The following MAP3K7 variants were observed in gnomAD, a reference collection of about 807,000 sequenced individuals.
The protein encoded by MAP3K7 is mitogen-activated protein kinase kinase kinase 7, also known as TGF-beta activated kinase 1.
Under a neutral mutation model 84.8 loss-of-function variants are expected in MAP3K7, and 21 were observed. The ratio of observed to expected loss-of-function variants is 0.25; its 90% confidence interval spans 0.18 to 0.36. The LOEUF (loss-of-function observed/expected upper bound fraction) is 0.36, where lower values mean the gene tolerates loss of function less well. Among genes scored for constraint, MAP3K7 ranks in the 10% least tolerant of loss-of-function variants. The pLI is 1.00. For missense variants in MAP3K7, 503 were observed against 747.7 expected (o/e 0.67, Z 3.82); for synonymous variants, 241 against 247.7 (o/e 0.97, Z 0.25).
chr6:90,527,565 T>G (rs1775362193), intron 13 of MAP3K7, among the ~76,000 whole-genome samples: 1 of 152,052 alleles, frequency 6.6e-6, no homozygotes, highest in South Asian at 2.1e-4. Flanking sequence ...CTGTGCCCAG[T>G]GGGAAGAGGA....
intron 9 of MAP3K7, among the ~76,000 whole-genome samples, chr6:90,548,813 A>G (rs1411379184): frequency 6.6e-6 from 1 of 151,050 alleles, no homozygotes; most frequent in Non-Finnish European, 1.5e-5. Flanking sequence ...TCGGAGGCCA[A>G]CTGAAGAAAG....
chr6:90,552,229 A>G, intron 7 of MAP3K7, 50 bp from the exon 8 acceptor site: 1 of 1,528,096 alleles, frequency 6.5e-7, no homozygotes, highest in Non-Finnish European at 9.0e-7. Context: ...TACCCAAAGA[A>G]TGATGCAAAC....
intron 12 of MAP3K7, 79 bp from the exon 13 acceptor site, chr6:90,536,480 T>TTTTTTA: frequency 1.0e-6 from 1 of 975,648 alleles, no homozygotes; most frequent in Non-Finnish European, 1.5e-6. Flanking sequence ...CAGCAGAAAG[T>TTTTTTA]TGGAATTTGT....
In MAP3K7 at chr6:90,571,818, C is replaced by T; in HGVS notation, c.121-11G>A. ...TCCTCTTCCAACAACCTGAGTTAAA[C>T]AAACAAACAAAAAACAAACAAAAAA... On this transcript the variant is annotated splice_polypyrimidine_tract_variant and intron_variant, in intron 1 of 16. Coordinates refer to ENST00000369329, the MANE Select transcript of MAP3K7 (RefSeq NM_145331.3). 6.7e-7 allele frequency: 1 copy of T among 1,491,852 alleles called. No homozygotes were observed. The allele number at this position is 1,491,852 out of a possible 1,614,324, so 92.4% of individuals were successfully genotyped here.
chr6:90,583,780 C>T (rs189854335), intron 1 of MAP3K7, among the ~76,000 whole-genome samples: 28 of 152,282 alleles, frequency 1.8e-4, no homozygotes, highest in Non-Finnish European at 3.2e-4. Context: ...CACTATACTA[C>T]CCTGTGTAAC....
At chr6:90,533,568 A>G (rs1775574967) in intron 13 of MAP3K7, among the ~76,000 whole-genome samples, 1 of 152,228 alleles carries the variant, frequency 6.6e-6, no homozygotes, top group South Asian at 2.1e-4. Flanking sequence ...GTAAAGAAGC[A>G]GCAGTCACTC....
At chr6:90,549,031 A>G (rs553874661) in intron 9 of MAP3K7, among the ~76,000 whole-genome samples, 1 of 152,254 alleles carries the variant, frequency 6.6e-6, no homozygotes, top group African/African-American at 2.4e-5. Flanking sequence ...GCAAATACAG[A>G]CTACGTATGT....
At chr6:90,538,039 T>C (rs769522024) in intron 12 of MAP3K7, among the ~76,000 whole-genome samples, 3 of 151,934 alleles carry the variant, frequency 2.0e-5, no homozygotes, top group Non-Finnish European at 4.4e-5. Flanking sequence ...AAGTAAAACC[T>C]TTTAAGGAAG....
At chr6:90,572,894 T>C (rs1776953438) in intron 1 of MAP3K7, among the ~76,000 whole-genome samples, 2 of 152,180 alleles carry the variant, frequency 1.3e-5, no homozygotes, top group African/African-American at 4.8e-5. Context: ...ATTTTATCAT[T>C]GTGAAAGGAC....
At chr6:90,517,252 C>T (rs1314586962) in intron 16 of MAP3K7, among the ~76,000 whole-genome samples, 1 of 151,896 alleles carries the variant, frequency 6.6e-6, no homozygotes, top group East Asian at 1.9e-4. Context: ...AGGAAAGACC[C>T]TCATTCTTTT....
rs1293903060 is a variant in MAP3K7, at chr6:90,536,360, C to T, written c.1333G>A (p.Val445Ile). 3.7e-6 allele frequency: 6 copies of T among 1,612,188 alleles called. No individual in the cohort carries two copies. In the South Asian group the frequency reaches 4.4e-5, roughly 12 times the overall value. Residue 445 changes from valine to isoleucine, a missense_variant, in exon 13 of 17, where the codon GTA (valine) becomes ATA (isoleucine). Physicochemically the swap from Val to Ile is conservative, Grantham distance 29. Transcript: ENST00000369329. ...ACCTGACCAGGTTCTGTTCCAGTTA[C>T]AGTCAAGTCTTGGATGGATCTACGT... ...PRRRSIQDLT[V>I]TGTEPGQVSS...
chr6:90,523,380 A>G (rs1366149406), intron 14 of MAP3K7, among the ~76,000 whole-genome samples: 2 of 152,120 alleles, frequency 1.3e-5, no homozygotes, highest in Non-Finnish European at 2.9e-5. Flanking sequence ...TAGTAGGAAA[A>G]TCACAGGCTG....
chr6:90,558,144 A>T (rs1353094118), intron 5 of MAP3K7, among the ~76,000 whole-genome samples: 5 of 151,974 alleles, frequency 3.3e-5, no homozygotes, highest in African/African-American at 7.3e-5. Context: ...AACACAGTGA[A>T]ACCCTGTCTC....
At chr6:90,563,025 G>A (rs185522144) in intron 3 of MAP3K7, among the ~76,000 whole-genome samples, 51 of 152,210 alleles carry the variant, frequency 3.4e-4, no homozygotes, top group African/African-American at 1.1e-3. Context: ...ACTGTTAGAA[G>A]GAAAACTAAT....
In MAP3K7 at chr6:90,556,348, T is replaced by G. The variant is rs375557030; in HGVS notation, c.607+152A>C. On this transcript the variant is annotated intron_variant, in intron 6 of 16. Transcript: ENST00000369329. ...AAATCTTACTATAAAATTTAGGATA[T>G]AACACTATATTTAATATCCCCTTAG... 72 of 698,100 alleles carry G rather than the reference T, an allele frequency of 1.0e-4. No individual in the cohort carries two copies. In the African/African-American group the frequency reaches 1.2e-3, roughly 12 times the overall value. 43.2% of individuals were successfully genotyped at this position (698,100 alleles called of 1,614,324 possible).
chr6:90,549,466 C>T (rs1052360420), intron 9 of MAP3K7, among the ~76,000 whole-genome samples: 1 of 152,064 alleles, frequency 6.6e-6, no homozygotes, highest in Non-Finnish European at 1.5e-5. Flanking sequence ...AGGAGTAAGC[C>T]GAGTGTCAGC....
At chr6:90,585,467 TATA>T (rs1777414371) in intron 1 of MAP3K7, among the ~76,000 whole-genome samples, 1 of 152,242 alleles carries the variant, frequency 6.6e-6, no homozygotes, top group South Asian at 2.1e-4. Flanking sequence ...GTTGACAATC[TATA>T]ATATTTCACT....
intron 14 of MAP3K7, among the ~76,000 whole-genome samples, chr6:90,522,982 G>A (rs756865699): frequency 5.9e-5 from 9 of 152,044 alleles, no homozygotes; most frequent in Non-Finnish European, 1.0e-4. Context: ...CATTTATCAA[G>A]GTATTCTCTT....
At chr6:90,518,016 A>G (rs1363504553) in intron 16 of MAP3K7, among the ~76,000 whole-genome samples, 8 of 151,758 alleles carry the variant, frequency 5.3e-5, no homozygotes, top group South Asian at 2.1e-4. Flanking sequence ...GGCAGTTTCT[A>G]TAACTCCTCA....
Sources: gnomAD v4.1 joint callset for allele counts (sites outside exome capture counted in the v4.1 genomes callset) on GRCh38, gnomAD v4.1.1 for gene constraint, MANE v1.5 for transcripts, NCBI Gene and HGNC (gene_info 2026-07-23, HGNC 2026-07-21) for gene names.